The following KTN1 variants were observed in gnomAD, a reference collection of about 807,000 sequenced individuals.
KTN1 encodes kinectin 1, also known as kinectin.
KTN1 carries 130 observed loss-of-function variants against 222.5 expected under a neutral mutation model. That is an observed-to-expected ratio of 0.58 (90% CI 0.51 to 0.68). The LOEUF (loss-of-function observed/expected upper bound fraction) is 0.68, where lower values mean the gene tolerates loss of function less well. KTN1 is among the 30% of genes least tolerant of loss of function. The probability of loss-of-function intolerance (pLI) is 0.00; values close to 1 mark genes in which losing one functional copy is unlikely to be tolerated. For synonymous variants in KTN1, 512 were observed against 496.3 expected (o/e 1.03, Z -0.42); for missense variants, 1,508 against 1,500.4 (o/e 1.01, Z -0.08).
intron 1 of KTN1, among the ~76,000 whole-genome samples, chr14:55,610,984 C>T (rs376478133): frequency 1.8e-4 from 27 of 152,198 alleles, no homozygotes; most frequent in Admixed American, 1.5e-3. Context: ...TTAGCAATTT[C>T]GGTAGGATGT....
At chr14:55,605,958 T>TA (rs1026736437) in intron 1 of KTN1, among the ~76,000 whole-genome samples, 10 of 151,422 alleles carry the variant, frequency 6.6e-5, no homozygotes, top group African/African-American at 2.2e-4. Context: ...CTTGTCTGTT[T>TA]AAAAAAAAAT....
chr14:55,647,722 A>T (rs2042526813), intron 19 of KTN1, among the ~76,000 whole-genome samples: 1 of 149,406 alleles, frequency 6.7e-6, no homozygotes, highest in Non-Finnish European at 1.5e-5. Context: ...AGGCGGGTGG[A>T]TCATGAGGTC....
intron 7 of KTN1, among the ~76,000 whole-genome samples, chr14:55,632,691 A>G (rs1173851311): frequency 6.6e-6 from 1 of 152,174 alleles, no homozygotes; most frequent in Non-Finnish European, 1.5e-5. Flanking sequence ...GGTACGTTTT[A>G]TGTTATATGT....
chr14:55,594,068 T>C (rs1461081433), intron 1 of KTN1, among the ~76,000 whole-genome samples: 1 of 152,216 alleles, frequency 6.6e-6, no homozygotes, highest in Non-Finnish European at 1.5e-5. Flanking sequence ...GTTTTGAGTT[T>C]AGCCATATCT....
intron 31 of KTN1, 52 bp downstream of exon 31, chr14:55,659,755 G>A: frequency 9.7e-7 from 1 of 1,029,660 alleles, no homozygotes; most frequent in Non-Finnish European, 1.5e-6. Context: ...ATTTTTATGT[G>A]GTAAACCATT....
At position 55,661,583 on chromosome 14, in the gene KTN1, G is replaced by A. The variant is rs1018943309; in HGVS notation, c.3061G>A (p.Ala1021Thr). The change falls in exon 32 of 44, where the codon GCA becomes ACA. Residue 1021 changes from alanine (A) to threonine (T), a missense_variant. Coordinates refer to ENST00000395314, the MANE Select transcript of KTN1 (RefSeq NM_001079521.2). ...LWNELDSLKD[A>T]VEHQRKKNND... ...GAATGAGTTAGATTCTTTGAAGGAT[G>A]CAGTTGAACACCAGAGGAAGAAAAA... 4 of 1,594,974 alleles carry A rather than the reference G, an allele frequency of 2.5e-6. No homozygotes were observed. In the East Asian group the frequency reaches 9.0e-5, roughly 36 times the overall value.
chr14:55,603,072 ACT>A (rs2036217679), intron 1 of KTN1, among the ~76,000 whole-genome samples: 1 of 151,732 alleles, frequency 6.6e-6, no homozygotes, highest in African/African-American at 2.4e-5. Flanking sequence ...AAGGCCAGTC[ACT>A]CTATCTACTT....
chr14:55,663,937 C>G lies in KTN1; in HGVS notation c.3091-18C>G. 1 of 1,572,856 alleles carries G rather than the reference C, an allele frequency of 6.4e-7. No individual in the cohort carries two copies. The highest frequency in any genetic ancestry group is 8.7e-7 in the Non-Finnish European group (1 of 1,144,916). The stretch of plus-strand genomic sequence containing the variant: ...CAATAATGGATAAACTGAAATCATT[C>G]TTTCTAAAAATGATTAGGACCTTCG... On this transcript the variant is annotated intron_variant, in intron 32 of 43. Coordinates refer to ENST00000395314, the MANE Select transcript of KTN1 (RefSeq NM_001079521.2).
Position 55,678,337 on chromosome 14 carries a change from T to TGG in KTN1, c.3856-15_3856-14insGG, listed in dbSNP as rs2141392611. 5.3e-6 allele frequency: 8 copies of TGG among 1,497,318 alleles called. No individual in the cohort carries two copies. Among genetic ancestry groups the TGG allele is most frequent in the Middle Eastern group, 1.7e-4 (1 of 5,856 alleles). 92.8% of individuals were successfully genotyped at this position (1,497,318 alleles called of 1,614,324 possible). ...ACTGTATTACTTAGTAGCTACCATATTGTTTTCCTTATAGGCTCAACAGTC... is the reference window on the plus strand; with the variant it reads ...ACTGTATTACTTAGTAGCTACCATATGGTGTTTTCCTTATAGGCTCAACAGTC... On this transcript the variant is annotated splice_polypyrimidine_tract_variant and intron_variant, in intron 41 of 43. Coordinates refer to ENST00000395314, the MANE Select transcript of KTN1 (RefSeq NM_001079521.2).
rs567894179 is a variant in KTN1, at chr14:55,588,822, A to G, written c.-31+8468A>G. On this transcript the variant is annotated intron_variant, in intron 1 of 43. Coordinates refer to ENST00000395314, the MANE Select transcript of KTN1 (RefSeq NM_001079521.2). ...TAACTTTATTATTTGTGTATATTTTATGGTAGTAAATTATGAAATAGACTG... is the reference window on the plus strand; with the variant it reads ...TAACTTTATTATTTGTGTATATTTTGTGGTAGTAAATTATGAAATAGACTG... Among the ~76,000 whole-genome samples the G allele has an allele frequency of 3.4e-4, 52 of 152,258 alleles. 1 individual carries two copies. The South Asian group carries it at 9.7e-3, about 29-fold the overall frequency.
intron 18 of KTN1, 29 bp downstream of exon 18, chr14:55,641,789 A>T (rs1348162816): frequency 7.7e-7 from 1 of 1,297,366 alleles, no homozygotes. Context: ...TACAAAGTAG[A>T]AATACTTGTT....
At chr14:55,659,802 C>T in intron 31 of KTN1, 99 bp downstream of exon 31, 1 of 704,572 alleles carries the variant, frequency 1.4e-6, no homozygotes, top group Non-Finnish European at 2.5e-6. Flanking sequence ...CAAATGGCAC[C>T]TGATTTTTAC....
intron 28 of KTN1, among the ~76,000 whole-genome samples, chr14:55,654,062 G>A (rs1052438679): frequency 2.0e-5 from 3 of 152,064 alleles, no homozygotes; most frequent in African/African-American, 7.2e-5. Context: ...ATATTATCCT[G>A]TGCTGAATAG....
chr14:55,650,102 G>T (rs1266050021), intron 22 of KTN1, among the ~76,000 whole-genome samples: 1 of 151,916 alleles, frequency 6.6e-6, no homozygotes, highest in African/African-American at 2.4e-5. Flanking sequence ...TTATATTTCT[G>T]ATGTACTTCT....
intron 5 of KTN1, among the ~76,000 whole-genome samples, chr14:55,621,813 A>G (rs913802738): frequency 6.6e-6 from 1 of 151,396 alleles, no homozygotes; most frequent in Admixed American, 6.6e-5. Flanking sequence ...TGACAGAGCC[A>G]ATTGCTTAAA....
At chr14:55,639,310 C>T (rs1199546605) in intron 13 of KTN1, 88 bp downstream of exon 13, 1 of 854,554 alleles carries the variant, frequency 1.2e-6, no homozygotes, top group Non-Finnish European at 1.9e-6. Flanking sequence ...AACTTTATAC[C>T]TCTGACGACC....
intron 41 of KTN1, among the ~76,000 whole-genome samples, chr14:55,677,919 A>G (rs185906418): frequency 0.012 from 1,761 of 152,264 alleles, 19 homozygotes; most frequent in African/African-American, 0.027. Flanking sequence ...GCTGGTCTCG[A>G]ACTCCCGACC....
intron 28 of KTN1, among the ~76,000 whole-genome samples, 187 bp downstream of exon 28, chr14:55,653,783 A>T (rs1281699202): frequency 6.6e-6 from 1 of 152,180 alleles, no homozygotes; most frequent in Non-Finnish European, 1.5e-5. Flanking sequence ...ATGCTTTCAG[A>T]TACCTGGAGA....
intron 5 of KTN1, among the ~76,000 whole-genome samples, chr14:55,622,640 C>T (rs61381603): frequency 0.23 from 34,519 of 152,056 alleles, 4,320 homozygotes; most frequent in East Asian, 0.36. Flanking sequence ...TACTTTCAAA[C>T]CTTCAGTGGT....
Sources: allele counts gnomAD v4.1 joint callset (sites outside exome capture counted in the v4.1 genomes callset), GRCh38; gene constraint gnomAD v4.1.1; transcripts MANE v1.5; gene names NCBI Gene and HGNC (gene_info 2026-07-23, HGNC 2026-07-21).